Variants in TTC39C observed in about 807,000 individuals in gnomAD.
TTC39C encodes tetratricopeptide repeat domain 39C, also known as tetratricopeptide repeat protein 39C.
Under a neutral mutation model 76.3 loss-of-function variants are expected in TTC39C, and 33 were observed. The observed-to-expected ratio is 0.43, with a 90% CI of 0.33 to 0.58. The LOEUF is 0.58. Among genes scored for constraint, TTC39C ranks in the 20% least tolerant of loss-of-function variants. The pLI is 0.04. For missense variants in TTC39C, 595 were observed against 701.4 expected (o/e 0.85, Z 1.71); for synonymous variants, 254 against 260.6 (o/e 0.97, Z 0.24).
chr18:24,082,100 C>A (rs974918187), intron 5 of TTC39C, among the ~76,000 whole-genome samples: 1 of 150,488 alleles, frequency 6.6e-6, no homozygotes, highest in Admixed American at 6.6e-5. Context: ...TCACTGCAAC[C>A]TCTGCCTCCC....
chr18:24,008,706 G>A (rs1383810869), intron 1 of TTC39C, among the ~76,000 whole-genome samples: 2 of 152,082 alleles, frequency 1.3e-5, no homozygotes, highest in Non-Finnish European at 2.9e-5. Flanking sequence ...AATACAAATC[G>A]TTCTGTCATA....
At chr18:24,122,184 C>T (rs774402958) in intron 8 of TTC39C, among the ~76,000 whole-genome samples, 34 of 152,160 alleles carry the variant, frequency 2.2e-4, no homozygotes, top group Middle Eastern at 3.4e-3. Context: ...TGCCCAAATG[C>T]GAGTACGGGA....
chr18:24,022,719 T>A (rs894279728), intron 1 of TTC39C: 17 of 985,274 alleles, frequency 1.7e-5, no homozygotes, highest in Admixed American at 6.1e-5. Flanking sequence ...CCCAGTCTTG[T>A]GTAGGATAAA....
intron 6 of TTC39C, among the ~76,000 whole-genome samples, chr18:24,105,072 A>C (rs1004815016): frequency 4.6e-5 from 7 of 152,198 alleles, no homozygotes; most frequent in Admixed American, 2.0e-4. Context: ...GAAAAAAAAA[A>C]CCCTGGATGT....
At chr18:24,081,553 A>C in intron 5 of TTC39C, among the ~76,000 whole-genome samples, 1 of 152,180 alleles carries the variant, frequency 6.6e-6, no homozygotes, top group Admixed American at 6.5e-5. Context: ...TAGTCTGGCA[A>C]ATATCTACCA....
At chr18:24,052,576 T>C (rs2083965156) in intron 1 of TTC39C, among the ~76,000 whole-genome samples, 1 of 152,250 alleles carries the variant, frequency 6.6e-6, no homozygotes, top group South Asian at 2.1e-4. Context: ...AAAGAAAATT[T>C]ACAGTTTTCT....
intron 6 of TTC39C, among the ~76,000 whole-genome samples, chr18:24,102,781 C>T (rs1022463877): frequency 3.3e-5 from 5 of 152,110 alleles, no homozygotes; most frequent in South Asian, 4.1e-4. Flanking sequence ...ATGATGAGAC[C>T]GGGATAAGCT....
chr18:24,005,205 T>A (rs2083342765), intron 1 of TTC39C, among the ~76,000 whole-genome samples: 1 of 152,168 alleles, frequency 6.6e-6, no homozygotes, highest in African/African-American at 2.4e-5. Context: ...CTTGGGAAAG[T>A]TATTAAACTT....
At chr18:24,070,875 A>G (rs1394445219) in intron 4 of TTC39C, among the ~76,000 whole-genome samples, 1 of 152,148 alleles carries the variant, frequency 6.6e-6, no homozygotes, top group African/African-American at 2.4e-5. Flanking sequence ...CTGTTGAGAG[A>G]GGAGGATAAA....
intron 1 of TTC39C, among the ~76,000 whole-genome samples, chr18:23,998,121 T>C (rs550323145): frequency 1.3e-5 from 2 of 152,324 alleles, no homozygotes; most frequent in South Asian, 4.1e-4. Flanking sequence ...CCTCTTGTTC[T>C]TATAACAAGT....
chr18:24,094,018 A>G (rs2084559475), intron 6 of TTC39C, among the ~76,000 whole-genome samples: 1 of 152,218 alleles, frequency 6.6e-6, no homozygotes, highest in Non-Finnish European at 1.5e-5. Flanking sequence ...GCTGTTTGAT[A>G]GCATTTTACC....
At chr18:24,067,779 A>T (rs904962805) in intron 3 of TTC39C, among the ~76,000 whole-genome samples, 4 of 152,106 alleles carry the variant, frequency 2.6e-5, no homozygotes, top group Admixed American at 6.5e-5. Flanking sequence ...AGTCACTAAA[A>T]TGCAAATTTG....
chr18:24,030,822 T>TG (rs1444763242), intron 1 of TTC39C, among the ~76,000 whole-genome samples: 1 of 152,058 alleles, frequency 6.6e-6, no homozygotes, highest in Non-Finnish European at 1.5e-5. Context: ...GCCCGGCTAA[T>TG]TTTTTAGCCG....
chr18:24,128,281 G>A (rs1034651604), intron 10 of TTC39C, among the ~76,000 whole-genome samples: 15 of 151,982 alleles, frequency 9.9e-5, no homozygotes, highest in African/African-American at 1.7e-4. Flanking sequence ...TCGTATGAGC[G>A]TATTCCTAGC....
chr18:24,075,605 G>A (rs1360045487), intron 4 of TTC39C, among the ~76,000 whole-genome samples: 1 of 150,126 alleles, frequency 6.7e-6, no homozygotes, highest in African/African-American at 2.5e-5. Context: ...AATCACCTGA[G>A]CTTGGGAGGT....
chr18:24,060,021 C>G (rs970415532), intron 1 of TTC39C, among the ~76,000 whole-genome samples: 1 of 146,664 alleles, frequency 6.8e-6, no homozygotes, highest in African/African-American at 2.4e-5. Flanking sequence ...TCAATTATCT[C>G]CCACCAGCTC....
At chr18:24,109,605 A>G (rs2084787486) in intron 6 of TTC39C, among the ~76,000 whole-genome samples, 1 of 152,248 alleles carries the variant, frequency 6.6e-6, no homozygotes. Context: ...TTCAGAGCAC[A>G]GGAAATATGA....
At chr18:24,023,999 TA>T (rs2071351351) in intron 1 of TTC39C, among the ~76,000 whole-genome samples, 8 of 11,098 alleles carry the variant, frequency 7.2e-4, no homozygotes, top group Non-Finnish European at 1.2e-3. Context: ...TATATATATA[TA>T]TATATATATA....
chr18:24,012,204 A>T (rs888278483), upstream of TTC39C, among the ~76,000 whole-genome samples: 2 of 152,066 alleles, frequency 1.3e-5, no homozygotes, highest in Admixed American at 6.6e-5. Context: ...CAAATATTTT[A>T]AAATGTCCCT....
Sources: gnomAD v4.1 joint callset for allele counts (sites outside exome capture counted in the v4.1 genomes callset) on GRCh38, gnomAD v4.1.1 for gene constraint, MANE v1.5 for transcripts, NCBI Gene and HGNC (gene_info 2026-07-23, HGNC 2026-07-21) for gene names.